The following SPART variants were observed in gnomAD, a reference collection of about 807,000 sequenced individuals.
SPART encodes the protein spastic paraplegia 20 (Troyer syndrome).
In SPART, 35 loss-of-function variants were observed where a neutral mutation model predicts 58.7. The observed-to-expected ratio is 0.60, with a 90% CI of 0.46 to 0.79. The LOEUF is 0.79. Ranked by LOEUF, SPART falls within the 30% of genes least tolerant of loss-of-function variation. SPART has a pLI of 0.00. For synonymous variants in SPART, 284 were observed against 280.7 expected (o/e 1.01, Z -0.12); for missense variants, 730 against 786.1 (o/e 0.93, Z 0.85).
At chr13:36,317,991 A>T (rs1363564881) in intron 5 of SPART, among the ~76,000 whole-genome samples, 3 of 152,134 alleles carry the variant, frequency 2.0e-5, no homozygotes, top group African/African-American at 7.2e-5. Context: ...GTCTGTGCCC[A>T]GTGCAACTCG....
At chr13:36,310,867 T>C (rs2137302600) in intron 8 of SPART, among the ~76,000 whole-genome samples, 1 of 146,994 alleles carries the variant, frequency 6.8e-6, no homozygotes, top group South Asian at 2.3e-4. Context: ...TCACCCACCC[T>C]CGCCCCACCC....
At chr13:36,334,311 T>C (rs1883742487) in intron 2 of SPART, among the ~76,000 whole-genome samples, 1 of 152,136 alleles carries the variant, frequency 6.6e-6, no homozygotes, top group South Asian at 2.1e-4. Context: ...TCTTTACTCT[T>C]AGACCAAGTG....
chr13:36,303,958 T>G lies in SPART; in HGVS notation c.*407A>C, dbSNP rs1215424032. ...AGGGGACAATACTTTAAGTCATTCC[T>G]TCTATAAAAAGAATTAAGGTTACTA... On this transcript the variant is annotated 3_prime_UTR_variant, in exon 9 of 9. Coordinates refer to ENST00000438666, the MANE Select transcript of SPART (RefSeq NM_015087.5). 5.4e-6 allele frequency: 1 copy of G among 184,714 alleles called. No homozygotes were observed. The highest frequency in any genetic ancestry group is 1.1e-5 in the Non-Finnish European group (1 of 87,932). The allele number at this position is 184,714 out of a possible 1,614,324, so 11.4% of individuals were successfully genotyped here.
intron 1 of SPART, among the ~76,000 whole-genome samples, chr13:36,352,613 A>G (rs9547414): frequency 0.25 from 37,918 of 151,970 alleles, 5,242 homozygotes; most frequent in East Asian, 0.51. Flanking sequence ...CAAATGAGCA[A>G]AGATTTGCAC....
In SPART at chr13:36,329,346, T is replaced by C. The variant is rs1271907757; in HGVS notation, c.1164+16A>G. 1.9e-6 allele frequency: 3 copies of C among 1,613,514 alleles called. No homozygotes were observed. Among genetic ancestry groups the C allele is most frequent in the South Asian group, 2.2e-5 (2 of 91,070 alleles). On this transcript the variant is annotated intron_variant, in intron 4 of 8. Transcript: ENST00000438666. ...CATTAGAAGACAACACACACACTTA[T>C]TACTCTTTTATTTACCCTTTTTCCA...
At chr13:36,305,036 C>T (rs1594111294) in intron 8 of SPART, among the ~76,000 whole-genome samples, 1 of 152,068 alleles carries the variant, frequency 6.6e-6, no homozygotes, top group African/African-American at 2.4e-5. Flanking sequence ...CAAGTTCTAC[C>T]TTAACCAGAC....
chr13:36,322,677 T>C (rs1882535586), intron 5 of SPART, among the ~76,000 whole-genome samples: 1 of 152,180 alleles, frequency 6.6e-6, no homozygotes, highest in Non-Finnish European at 1.5e-5. Context: ...TGGCAGAAAA[T>C]TGGCTAGCAC....
chr13:36,366,779 C>T (rs1410853473), intron 1 of SPART, among the ~76,000 whole-genome samples: 1 of 136,562 alleles, frequency 7.3e-6, no homozygotes, highest in Non-Finnish European at 1.6e-5. Flanking sequence ...AACCACCCTA[C>T]GTGTATCTGT....
chr13:36,359,535 C>T (rs915511609), intron 1 of SPART, among the ~76,000 whole-genome samples: 17 of 152,180 alleles, frequency 1.1e-4, no homozygotes, highest in Admixed American at 2.6e-4. Flanking sequence ...AACAGTCTTA[C>T]CTACTACCTA....
intron 1 of SPART, among the ~76,000 whole-genome samples, chr13:36,352,622 A>T (rs747539487): frequency 3.3e-5 from 5 of 152,116 alleles, no homozygotes; most frequent in Non-Finnish European, 7.4e-5. Context: ...AAAGATTTGC[A>T]CAAGTGGAGT....
At chr13:36,339,708 T>G (rs894349074) in intron 1 of SPART, among the ~76,000 whole-genome samples, 1 of 132,678 alleles carries the variant, frequency 7.5e-6, no homozygotes, top group African/African-American at 2.9e-5. Context: ...AAATAAGGGA[T>G]GAAAGAATTA....
upstream of SPART, among the ~76,000 whole-genome samples, chr13:36,351,128 T>C (rs1593288956): frequency 6.6e-6 from 1 of 152,136 alleles, no homozygotes; most frequent in Non-Finnish European, 1.5e-5. Context: ...GATAATAGAA[T>C]CTGCCTCACA....
chr13:36,309,247 A>AT (rs1373491802), intron 8 of SPART, among the ~76,000 whole-genome samples: 1 of 151,828 alleles, frequency 6.6e-6, no homozygotes, highest in East Asian at 1.9e-4. Flanking sequence ...CCGTCTCAAA[A>AT]AAAAAAAAAA....
chr13:36,333,236 T>C (rs1446499455), intron 2 of SPART, among the ~76,000 whole-genome samples: 3 of 152,124 alleles, frequency 2.0e-5, no homozygotes, highest in African/African-American at 4.8e-5. Context: ...TCTGTAATTA[T>C]AGATTTAACA....
intron 1 of SPART, among the ~76,000 whole-genome samples, chr13:36,360,123 G>A (rs1031321612): frequency 1.3e-5 from 2 of 151,182 alleles, no homozygotes; most frequent in African/African-American, 2.4e-5. Context: ...GTGAAACCCC[G>A]TCTCTACTAA....
intron 8 of SPART, among the ~76,000 whole-genome samples, chr13:36,310,241 T>C (rs1880952679): frequency 6.6e-6 from 1 of 152,192 alleles, no homozygotes; most frequent in Admixed American, 6.5e-5. Context: ...ATAATTAACA[T>C]AAATAACCAC....
At position 36,304,485 on chromosome 13, in the gene SPART, G is replaced by A; in HGVS notation, c.1881C>T (p.Asp627=). 6.2e-7 allele frequency: 1 copy of A among 1,614,034 alleles called. No individual in the cohort carries two copies. Among genetic ancestry groups the A allele is most frequent in the Non-Finnish European group, 8.5e-7 (1 of 1,179,996 alleles). Residue 627 remains aspartate (D), a synonymous_variant, in exon 9 of 9, where the codon GAC becomes GAT. Transcript: ENST00000438666. The part of the protein sequence containing the change: ...ATQTGHTLLE[D]YQIVDNSQRE... ...TCTGAGAATTATCAACTATCTGATA[G>A]TCCTCAAGGAGAGTGTGTCCTGTTT...
rs769189347 is a variant in SPART at position 36,312,505 on chromosome 13, T to C, written c.1484-28A>G. On this transcript the variant is annotated intron_variant, in intron 6 of 8. Coordinates refer to ENST00000438666, the MANE Select transcript of SPART (RefSeq NM_015087.5). The stretch of plus-strand genomic sequence containing the variant: ...AATATGACCATAAAAAAAGAAAACT[T>C]AGGAAAAATATATTATTCCCTTGAT... The C allele has an allele frequency of 3.1e-6, 5 of 1,607,970 alleles. No individual in the cohort carries two copies. In the African/African-American group the frequency reaches 5.4e-5, roughly 17 times the overall value.
intron 1 of SPART, among the ~76,000 whole-genome samples, chr13:36,369,848 C>T (rs567293619): frequency 3.9e-5 from 6 of 152,246 alleles, no homozygotes; most frequent in East Asian, 3.9e-4. Flanking sequence ...CCATGGAGAT[C>T]GCAGGCCTGG....
Sources: allele counts gnomAD v4.1 joint callset (sites outside exome capture counted in the v4.1 genomes callset), GRCh38; gene constraint gnomAD v4.1.1; transcripts MANE v1.5; gene names NCBI Gene and HGNC (gene_info 2026-07-23, HGNC 2026-07-21).